The following SUCLA2 variants were observed in gnomAD, a reference collection of about 807,000 sequenced individuals.
SUCLA2 encodes the protein succinate-CoA ligase ADP-forming subunit beta, also known as succinate--CoA ligase [ADP-forming] subunit beta, mitochondrial.
A neutral mutation model predicts 54.8 loss-of-function variants in SUCLA2; 30 were observed. The observed-to-expected ratio is 0.55, with a 90% CI of 0.41 to 0.74. The LOEUF (loss-of-function observed/expected upper bound fraction) is 0.74, where lower values mean the gene tolerates loss of function less well. SUCLA2 is among the 30% of genes least tolerant of loss of function. The probability of loss-of-function intolerance (pLI) is 0.00; values close to 1 mark genes in which losing one functional copy is unlikely to be tolerated. For missense variants in SUCLA2, 476 were observed against 562.9 expected (o/e 0.85, Z 1.56); for synonymous variants, 172 against 188.9 (o/e 0.91, Z 0.74).
chr13:47,952,088 G>A (rs1949781102), intron 8 of SUCLA2, among the ~76,000 whole-genome samples: 1 of 150,404 alleles, frequency 6.6e-6, no homozygotes, highest in Non-Finnish European at 1.5e-5. Flanking sequence ...TCTGGCCTAT[G>A]CCCCCATCTC....
intron 6 of SUCLA2, among the ~76,000 whole-genome samples, chr13:47,960,148 T>A (rs1949857710): frequency 6.6e-6 from 1 of 152,168 alleles, no homozygotes; most frequent in African/African-American, 2.4e-5. Context: ...GGTTTCCTGT[T>A]TGTTTTTTGC....
intron 2 of SUCLA2, among the ~76,000 whole-genome samples, chr13:47,994,178 C>T (rs1347978132): frequency 6.6e-6 from 1 of 151,974 alleles, no homozygotes; most frequent in Non-Finnish European, 1.5e-5. Context: ...TTGCTAGCTA[C>T]ATGAACAAAA....
intron 6 of SUCLA2, 31 bp downstream of exon 6, chr13:47,968,564 T>A: frequency 6.2e-7 from 1 of 1,610,192 alleles, no homozygotes; most frequent in Non-Finnish European, 8.5e-7. Context: ...AATAAATGCA[T>A]AATCATGTTA....
intron 6 of SUCLA2, among the ~76,000 whole-genome samples, chr13:47,964,725 C>T (rs1053370390): frequency 3.3e-5 from 5 of 151,946 alleles, no homozygotes; most frequent in East Asian, 1.9e-4. Context: ...GGCGTGGTGG[C>T]GGGCACCTGT....
intron 6 of SUCLA2, among the ~76,000 whole-genome samples, chr13:47,957,371 G>A (rs747572716): frequency 6.6e-6 from 1 of 152,190 alleles, no homozygotes; most frequent in African/African-American, 2.4e-5. Context: ...TTCCGTAACA[G>A]ATTTTGGTTA....
Position 47,984,025 on chromosome 13 carries a change from C to T in SUCLA2, c.534+4516G>A, listed in dbSNP as rs546455007. On this transcript the variant is annotated intron_variant, in intron 4 of 10. Transcript: ENST00000646932. ...AAAGAAACCAACTTGCATGGGTAAA[C>T]GTTAAACAATGACTATAGTTCCACA... Among the ~76,000 whole-genome samples the T allele has an allele frequency of 7.1e-4, 108 of 152,168 alleles. 1 individual carries two copies. Among genetic ancestry groups the T allele is most frequent in the African/African-American group, 2.5e-3 (102 of 41,528 alleles).
chr13:47,979,102 T>G (rs561235545), intron 4 of SUCLA2, among the ~76,000 whole-genome samples: 4 of 152,298 alleles, frequency 2.6e-5, no homozygotes, highest in African/African-American at 9.6e-5. Context: ...TGGAGGACAG[T>G]GTGGTGATTC....
intron 4 of SUCLA2, 28 bp downstream of exon 4, chr13:47,988,513 C>T (rs1229162124): frequency 2.5e-6 from 4 of 1,610,500 alleles, no homozygotes; most frequent in Middle Eastern, 1.7e-4. Context: ...AAATTTATCC[C>T]GTATGTATCA....
chr13:47,996,108 G>C (rs1950188341), intron 2 of SUCLA2, among the ~76,000 whole-genome samples: 1 of 151,970 alleles, frequency 6.6e-6, no homozygotes, highest in African/African-American at 2.4e-5. Flanking sequence ...CAGATCACGA[G>C]GTCAGGAGTT....
At chr13:47,983,404 A>G (rs1950074279) in intron 4 of SUCLA2, among the ~76,000 whole-genome samples, 1 of 152,118 alleles carries the variant, frequency 6.6e-6, no homozygotes, top group South Asian at 2.1e-4. Context: ...ACAGATAACC[A>G]TAAAATATAA....
At chr13:47,996,779 A>T (rs1950194825) in intron 2 of SUCLA2, 64 bp downstream of exon 2, 5 of 1,543,118 alleles carry the variant, frequency 3.2e-6, no homozygotes, top group Non-Finnish European at 2.7e-6. Context: ...CAAACCAAAA[A>T]CAAACTTCAA....
At chr13:47,973,030 G>A (rs978601901) in intron 5 of SUCLA2, among the ~76,000 whole-genome samples, 4 of 151,868 alleles carry the variant, frequency 2.6e-5, no homozygotes, top group Admixed American at 1.3e-4. Context: ...GATTACAGGC[G>A]TGAGACACCG....
chr13:47,999,124 G>C (rs1950210033), intron 1 of SUCLA2, among the ~76,000 whole-genome samples: 1 of 152,148 alleles, frequency 6.6e-6, no homozygotes, highest in South Asian at 2.1e-4. Flanking sequence ...TCACTAGGTG[G>C]CACCTAATTG....
In SUCLA2 at chr13:47,968,697, C is replaced by G. The variant is rs373398803; in HGVS notation, c.700G>C (p.Glu234Gln). 90 of 1,612,066 alleles carry G rather than the reference C, an allele frequency of 5.6e-5. No individual in the cohort carries two copies. Among genetic ancestry groups the G allele is most frequent in the Admixed American group, 1.3e-4 (8 of 59,988 alleles). ...TTGACCATGTTTTCTGCTGCTGATT[C>G]CACAATATTAGGTGGAAATCCCATC... is the stretch of plus-strand genomic sequence containing the variant. ...QKMGFPPNIV[E>Q]SAAENMVKLY... The change falls in exon 6 of 11, where the codon GAA becomes CAA. Residue 234 changes from glutamate (E) to glutamine (Q), a missense_variant. By Grantham distance (29) the Glu-to-Gln change is conservative. This residue lies in a region of SUCLA2 where 342 missense variants were observed against 444.2 expected (regional missense o/e 0.77). Transcript: ENST00000646932.
chr13:48,000,107 G>A (rs922066631), intron 1 of SUCLA2, among the ~76,000 whole-genome samples: 1 of 149,492 alleles, frequency 6.7e-6, no homozygotes, highest in Non-Finnish European at 1.5e-5. Flanking sequence ...CTACCCCTAG[G>A]CTGAAAGTAT....
chr13:47,962,588 T>C (rs1949879426), intron 6 of SUCLA2, among the ~76,000 whole-genome samples: 1 of 152,186 alleles, frequency 6.6e-6, no homozygotes, highest in Non-Finnish European at 1.5e-5. Flanking sequence ...GTGGAAGTGG[T>C]ACACCAGAGA....
At chr13:47,971,106 ATTC>A (rs1949959798) in intron 5 of SUCLA2, among the ~76,000 whole-genome samples, 1 of 151,972 alleles carries the variant, frequency 6.6e-6, no homozygotes, top group African/African-American at 2.4e-5. Context: ...CAATATTCAA[ATTC>A]TTCTTTTAAG....
chr13:48,000,908 T>G lies in SUCLA2; in HGVS notation c.90+272A>C, dbSNP rs924897146. ...CCCTCACCTCCACTCAGAGCCCACC[T>G]GCTCCCGCCCATCTCTTAGAAACTG... is the stretch of plus-strand genomic sequence containing the variant. On this transcript the variant is annotated intron_variant, in intron 1 of 10. Transcript: ENST00000646932. 8 of 1,350,742 alleles carry G rather than the reference T, an allele frequency of 5.9e-6. No individual in the cohort carries two copies. The African/African-American group carries it at 1.2e-4, about 20-fold the overall frequency. 83.7% of individuals were successfully genotyped at this position (1,350,742 alleles called of 1,614,324 possible). A position where few individuals can be genotyped will look rare whatever the true frequency, so the allele number is the denominator to read the frequency against.
intron 6 of SUCLA2, 62 bp downstream of exon 6, chr13:47,968,533 C>T (rs746192527): frequency 3.1e-6 from 5 of 1,591,564 alleles, no homozygotes; most frequent in Non-Finnish European, 4.3e-6. Flanking sequence ...ATTTAACTTC[C>T]TTAGGGAAGC....
Sources: allele counts gnomAD v4.1 joint callset (sites outside exome capture counted in the v4.1 genomes callset), GRCh38; gene constraint gnomAD v4.1.1; regional missense constraint gnomAD v4.1.1; transcripts MANE v1.5; gene names NCBI Gene and HGNC (gene_info 2026-07-23, HGNC 2026-07-21).